The following AFAP1 variants were observed in gnomAD, a reference collection of about 807,000 sequenced individuals.
AFAP1 encodes the protein actin filament associated protein 1.
AFAP1 carries 75 observed loss-of-function variants against 93.9 expected under a neutral mutation model. The ratio of observed to expected loss-of-function variants is 0.80; its 90% CI spans 0.66 to 0.97. The LOEUF (loss-of-function observed/expected upper bound fraction) is 0.97. Ranked by LOEUF, AFAP1 falls within the 50% of genes least tolerant of loss-of-function variation. AFAP1 has a pLI of 0.00. For missense variants in AFAP1, 1,201 were observed against 1,050.8 expected (o/e 1.14, Z -1.98); for synonymous variants, 517 against 430.7 (o/e 1.20, Z -2.48).
At chr4:7,898,710 C>A (rs1434557098) in intron 1 of AFAP1, among the ~76,000 whole-genome samples, 1 of 150,914 alleles carries the variant, frequency 6.6e-6, no homozygotes, top group African/African-American at 2.4e-5. Flanking sequence ...TGTCTTTCCC[C>A]TGGCAACTTA....
chr4:7,860,103 T>C (rs764481950), intron 3 of AFAP1, among the ~76,000 whole-genome samples: 12 of 152,108 alleles, frequency 7.9e-5, no homozygotes, highest in Middle Eastern at 3.4e-3. Context: ...TGATCATGCA[T>C]TGCACTCCAG....
chr4:7,823,495 C>T (rs772730654), intron 6 of AFAP1, among the ~76,000 whole-genome samples: 27 of 152,096 alleles, frequency 1.8e-4, no homozygotes, highest in Non-Finnish European at 3.7e-4. Context: ...TACGCACTTC[C>T]CCACTCAGCC....
chr4:7,829,933 T>A (rs1006567612), intron 6 of AFAP1, among the ~76,000 whole-genome samples: 3 of 152,248 alleles, frequency 2.0e-5, no homozygotes, highest in Non-Finnish European at 4.4e-5. Context: ...TAATACAGAA[T>A]TGTCTGTAAT....
chr4:7,868,825 T>A, intron 2 of AFAP1, 106 bp from the exon 3 acceptor site: 2 of 966,900 alleles, frequency 2.1e-6, no homozygotes, highest in South Asian at 2.9e-5. Flanking sequence ...TTTGCAAATA[T>A]TTATTTTCTC....
At chr4:7,898,985 T>C (rs1029909302) in intron 1 of AFAP1, among the ~76,000 whole-genome samples, 1 of 149,474 alleles carries the variant, frequency 6.7e-6, no homozygotes, top group African/African-American at 2.4e-5. Context: ...TACAATGGTA[T>C]TGTATATACA....
chr4:7,806,745 G>C (rs1719548591), intron 9 of AFAP1, among the ~76,000 whole-genome samples: 1 of 152,126 alleles, frequency 6.6e-6, no homozygotes, highest in Non-Finnish European at 1.5e-5. Flanking sequence ...AAAATCTTGT[G>C]GACAGAGGAT....
chr4:7,838,816 AT>A, intron 5 of AFAP1, 113 bp from the exon 6 acceptor site: 3 of 1,137,806 alleles, frequency 2.6e-6, no homozygotes, highest in Non-Finnish European at 3.8e-6. Flanking sequence ...GAAAGTCTGA[AT>A]CTGCAGATGA....
At chr4:7,829,965 C>A (rs1028820097) in intron 6 of AFAP1, among the ~76,000 whole-genome samples, 24 of 152,140 alleles carry the variant, frequency 1.6e-4, no homozygotes, top group Non-Finnish European at 7.3e-5. Context: ...GAAAGCAACC[C>A]AATGTCCATA....
intron 1 of AFAP1, among the ~76,000 whole-genome samples, chr4:7,925,170 A>C (rs1267519488): frequency 6.7e-6 from 1 of 148,314 alleles, no homozygotes; most frequent in Non-Finnish European, 1.5e-5. Flanking sequence ...TTTCCCCCAA[A>C]GAATAAGTCT....
At chr4:7,763,878 G>T (rs1226464883) in intron 17 of AFAP1, 87 bp from the exon 18 acceptor site, 17 of 1,383,546 alleles carry the variant, frequency 1.2e-5, no homozygotes, top group South Asian at 5.0e-5. Flanking sequence ...CAACTCAGAG[G>T]GGGTGGGTGC....
chr4:7,824,208 A>G (rs573288612), intron 6 of AFAP1, among the ~76,000 whole-genome samples: 34 of 152,348 alleles, frequency 2.2e-4, no homozygotes, highest in Admixed American at 2.2e-3. Context: ...TGTGTATTTA[A>G]GAGAACTGGA....
In AFAP1 at chr4:7,790,230, T is replaced by G. The variant is rs1026236947; in HGVS notation, c.1412+3451A>C. Among the ~76,000 whole-genome samples, 17 of 152,324 alleles carry G rather than the reference T, an allele frequency of 1.1e-4. 1 individual carries two copies. In the South Asian group the frequency reaches 2.3e-3, roughly 20 times the overall value. ...TCATCTCTCTTAAGTGTTACAGGAGTGTTTGGCTAGAAAACTTGAAAATAA... is the reference window on the plus strand; with the variant it reads ...TCATCTCTCTTAAGTGTTACAGGAGGGTTTGGCTAGAAAACTTGAAAATAA... On this transcript the variant is annotated intron_variant, in intron 11 of 17. Coordinates refer to ENST00000420658, the MANE Select transcript of AFAP1 (RefSeq NM_001134647.2).
At chr4:7,792,598 A>C (rs1239163926) in intron 11 of AFAP1, among the ~76,000 whole-genome samples, 1 of 151,636 alleles carries the variant, frequency 6.6e-6, no homozygotes, top group Non-Finnish European at 1.5e-5. Context: ...TTTTAAAGTA[A>C]AAATAAAAAA....
At chr4:7,886,422 C>G (rs146773443) in intron 1 of AFAP1, among the ~76,000 whole-genome samples, 1 of 152,330 alleles carries the variant, frequency 6.6e-6, no homozygotes, top group African/African-American at 2.4e-5. Context: ...GCAGTTTCAA[C>G]TCTGAAAGTG....
chr4:7,792,502 T>C (rs1288336218), intron 11 of AFAP1, among the ~76,000 whole-genome samples: 6 of 152,208 alleles, frequency 3.9e-5, no homozygotes. Context: ...GCCAACTGTT[T>C]GCCTAGAGAT....
At chr4:7,871,810 AC>A in intron 2 of AFAP1, 141 bp downstream of exon 2, 1 of 1,193,054 alleles carries the variant, frequency 8.4e-7, no homozygotes, top group Non-Finnish European at 1.2e-6. Context: ...ACAAGTGTAA[AC>A]CCTCAATGAA....
At chr4:7,771,309 A>G (rs1715396499) in intron 16 of AFAP1, among the ~76,000 whole-genome samples, 1 of 152,202 alleles carries the variant, frequency 6.6e-6, no homozygotes. Context: ...ACCTGAGCCC[A>G]GGAGTTCAAG....
At chr4:7,861,302 A>T (rs553071704) in intron 3 of AFAP1, among the ~76,000 whole-genome samples, 5 of 152,204 alleles carry the variant, frequency 3.3e-5, no homozygotes, top group Non-Finnish European at 7.3e-5. Context: ...GCCATCATCT[A>T]AACTTCCTGT....
At chr4:7,861,091 C>T (rs568455034) in intron 3 of AFAP1, among the ~76,000 whole-genome samples, 1 of 152,306 alleles carries the variant, frequency 6.6e-6, no homozygotes, top group Non-Finnish European at 1.5e-5. Context: ...TTTGGAATCC[C>T]TTTCTGACTT....
Sources: allele counts gnomAD v4.1 joint callset (sites outside exome capture counted in the v4.1 genomes callset), GRCh38; gene constraint gnomAD v4.1.1; transcripts MANE v1.5; gene names NCBI Gene and HGNC (gene_info 2026-07-23, HGNC 2026-07-21).